Variants in SH3PXD2A observed in about 807,000 individuals in gnomAD.
SH3PXD2A encodes the protein SH3 and PX domains 2A.
SH3PXD2A carries 32 observed loss-of-function variants against 115.2 expected under a neutral mutation model. That is an observed-to-expected ratio of 0.28 (90% CI 0.21 to 0.37). SH3PXD2A has a LOEUF of 0.37. SH3PXD2A is among the 10% of genes least tolerant of loss of function. The pLI, the probability that SH3PXD2A is intolerant of heterozygous loss-of-function variation, is 1.00. For synonymous variants in SH3PXD2A, 610 were observed against 629.1 expected (o/e 0.97, Z 0.45); for missense variants, 1,328 against 1,498.7 (o/e 0.89, Z 1.88).
chr10:103,604,297 G>A (rs528333276), intron 14 of SH3PXD2A, among the ~76,000 whole-genome samples: 2 of 152,334 alleles, frequency 1.3e-5, no homozygotes, highest in African/African-American at 4.8e-5. Context: ...GAGCCTCTCT[G>A]CAGAGCCTTT....
At chr10:103,733,236 A>T (rs2038343701) in intron 4 of SH3PXD2A, among the ~76,000 whole-genome samples, 1 of 152,108 alleles carries the variant, frequency 6.6e-6, no homozygotes, top group Non-Finnish European at 1.5e-5. Context: ...TACGCGTGGT[A>T]CACTGGAGCT....
At chr10:103,802,329 G>T (rs1214354477) in intron 1 of SH3PXD2A, among the ~76,000 whole-genome samples, 1 of 152,184 alleles carries the variant, frequency 6.6e-6, no homozygotes, top group African/African-American at 2.4e-5. Flanking sequence ...TGGTCTTCTG[G>T]ATGAGAAACG....
intron 3 of SH3PXD2A, among the ~76,000 whole-genome samples, chr10:103,737,942 T>C (rs186820905): frequency 2.1e-3 from 326 of 152,310 alleles, no homozygotes; most frequent in African/African-American, 7.3e-3. Flanking sequence ...CCCGTGGATA[T>C]CTCTCATCTC....
At position 103,693,032 on chromosome 10, in the gene SH3PXD2A, T is replaced by G; in HGVS notation, c.423A>C (p.Lys141Asn). Residue 141 changes from lysine to asparagine, a missense_variant, in exon 6 of 15, where the codon AAA (lysine) becomes AAC (asparagine). This residue lies in a region of SH3PXD2A where 90 missense variants were observed against 71.1 expected (regional missense o/e 1.27). Coordinates refer to ENST00000369774, the MANE Select transcript of SH3PXD2A (RefSeq NM_001394015.1). ...PKEDYGSSKR[K>N]SVWLSSWAES... ...AACGCCCGGAGGCTCCCTTACCTGA[T>G]TTCCTCTTGGAACTGCCATAGTCCC... 1 of 1,613,058 alleles carries G rather than the reference T, an allele frequency of 6.2e-7. No homozygotes were observed. The highest frequency in any genetic ancestry group is 1.7e-4 in the Middle Eastern group (1 of 6,052).
Position 103,661,119 on chromosome 10 carries a change from C to G in SH3PXD2A, c.473-5G>C. The G allele has an allele frequency of 5.6e-6, 9 of 1,612,018 alleles. No individual in the cohort carries two copies. Among genetic ancestry groups the G allele is most frequent in the Non-Finnish European group, 7.6e-6 (9 of 1,178,998 alleles). On this transcript the variant is annotated splice_region_variant and splice_polypyrimidine_tract_variant and intron_variant, in intron 7 of 14. Coordinates refer to ENST00000369774, the MANE Select transcript of SH3PXD2A (RefSeq NM_001394015.1). ...GCTCGGCGGTGGCGTCGGCACCTGG[C>G]GAGGGCAGAAAGCACGCGGTGAGCC...
At chr10:103,767,070 T>C in intron 3 of SH3PXD2A, 24 bp downstream of exon 3, 1 of 1,596,532 alleles carries the variant, frequency 6.3e-7, no homozygotes, top group East Asian at 2.2e-5. Flanking sequence ...CCCCCATCCC[T>C]GGGTGGAGCC....
rs778121506 is a variant in SH3PXD2A, at chr10:103,724,261, A to G, written c.398+9T>C. ...CCAGCACACAGGAGAGGCCTGAGCT[A>G]TTACTTACTCTTTTGGAGGGTTGAC... On this transcript the variant is annotated intron_variant, in intron 5 of 14. Transcript: ENST00000369774. The G allele has an allele frequency of 6.5e-7, 1 of 1,526,892 alleles. No individual in the cohort carries two copies. Among genetic ancestry groups the G allele is most frequent in the South Asian group, 1.2e-5 (1 of 82,394 alleles). 94.6% of individuals were successfully genotyped at this position (1,526,892 alleles called of 1,614,324 possible). A position where few individuals can be genotyped will look rare whatever the true frequency, so the allele number is the denominator to read the frequency against.
At chr10:103,804,404 C>G (rs527320681) in intron 1 of SH3PXD2A, among the ~76,000 whole-genome samples, 36 of 143,838 alleles carry the variant, frequency 2.5e-4, no homozygotes, top group Non-Finnish European at 4.3e-4. Flanking sequence ...TCATTGTGAC[C>G]TCCGCCTCCC....
intron 3 of SH3PXD2A, among the ~76,000 whole-genome samples, chr10:103,741,409 C>T (rs1037178382): frequency 3.3e-5 from 5 of 152,238 alleles, no homozygotes; most frequent in African/African-American, 9.6e-5. Flanking sequence ...TCCTTGCCAA[C>T]CACTAGGGCC....
intron 3 of SH3PXD2A, among the ~76,000 whole-genome samples, chr10:103,762,001 GC>G (rs1209762343): frequency 6.9e-6 from 1 of 144,246 alleles, no homozygotes; most frequent in Non-Finnish European, 1.5e-5. Context: ...CACACTAGGA[GC>G]AATCAACACG....
intron 1 of SH3PXD2A, among the ~76,000 whole-genome samples, chr10:103,813,208 T>C: frequency 6.6e-6 from 1 of 152,332 alleles, no homozygotes; most frequent in South Asian, 2.1e-4. Context: ...TGTGTGTCTA[T>C]GCACATTAAA....
At chr10:103,737,048 T>C (rs1258793888) in intron 3 of SH3PXD2A, among the ~76,000 whole-genome samples, 5 of 152,142 alleles carry the variant, frequency 3.3e-5, no homozygotes, top group Non-Finnish European at 7.4e-5. Flanking sequence ...GCACCTCTAG[T>C]GGCCTGGGAA....
chr10:103,763,636 T>C (rs2038723624), intron 3 of SH3PXD2A, among the ~76,000 whole-genome samples: 2 of 152,116 alleles, frequency 1.3e-5, no homozygotes, highest in Admixed American at 1.3e-4. Context: ...GGTGCTAGTG[T>C]GTATAGCAGA....
chr10:103,740,101 C>T (rs115937531), intron 3 of SH3PXD2A, among the ~76,000 whole-genome samples: 261 of 152,310 alleles, frequency 1.7e-3, no homozygotes, highest in African/African-American at 5.8e-3. Context: ...GGTAGCTAAG[C>T]GCTCAGCACA....
intron 1 of SH3PXD2A, among the ~76,000 whole-genome samples, chr10:103,802,435 C>T (rs74157352): frequency 0.16 from 24,645 of 152,200 alleles, 2,710 homozygotes; most frequent in Non-Finnish European, 0.22. Context: ...GCTGTCACCC[C>T]GGTTCCCAAG....
At chr10:103,720,407 C>T (rs533109341) in intron 5 of SH3PXD2A, among the ~76,000 whole-genome samples, 2 of 152,210 alleles carry the variant, frequency 1.3e-5, no homozygotes, top group Non-Finnish European at 1.5e-5. Context: ...CAGAAGCCAG[C>T]GAGTGGCCTG....
At chr10:103,616,756 C>A (rs1195944392) in intron 11 of SH3PXD2A, among the ~76,000 whole-genome samples, 1 of 152,242 alleles carries the variant, frequency 6.6e-6, no homozygotes, top group African/African-American at 2.4e-5. Flanking sequence ...AGCCCACCTC[C>A]CTGAGTACTG....
intron 1 of SH3PXD2A, among the ~76,000 whole-genome samples, chr10:103,842,869 A>G (rs1355590879): frequency 6.6e-6 from 1 of 152,228 alleles, no homozygotes; most frequent in Non-Finnish European, 1.5e-5. Context: ...CAATGAATGA[A>G]TGAATATGAG....
In SH3PXD2A at chr10:103,596,796, T is replaced by C. The variant is rs2036143341; in HGVS notation, c.*5020A>G. The C allele has an allele frequency of 6.6e-6, 1 of 152,550 alleles. No homozygotes were observed. Among genetic ancestry groups the C allele is most frequent in the Non-Finnish European group, 1.5e-5 (1 of 68,026 alleles). The allele number at this position is 152,550 out of a possible 1,614,324, so 9.4% of individuals were successfully genotyped here. On this transcript the variant is annotated 3_prime_UTR_variant, in exon 15 of 15. Coordinates refer to ENST00000369774, the MANE Select transcript of SH3PXD2A (RefSeq NM_001394015.1). ...GATTCTCAAAGACTAAATATCTAGA[T>C]GGATATACGCCAAGGGAGAGACCCG... is the stretch of plus-strand genomic sequence containing the variant.
Sources: gnomAD v4.1 joint callset for allele counts (sites outside exome capture counted in the v4.1 genomes callset) on GRCh38, gnomAD v4.1.1 for gene constraint, gnomAD v4.1.1 regional missense constraint, MANE v1.5 for transcripts, NCBI Gene and HGNC (gene_info 2026-07-23, HGNC 2026-07-21) for gene names.